The following EEF1AKMT1 variants were observed in gnomAD, a reference collection of about 807,000 sequenced individuals.
The protein encoded by EEF1AKMT1 is N-6 adenine-specific DNA methyltransferase 2 (putative).
A neutral mutation model predicts 21.0 loss-of-function variants in EEF1AKMT1; 18 were observed. The observed-to-expected ratio is 0.86, with a 90% confidence interval of 0.59 to 1.27. EEF1AKMT1 has a LOEUF of 1.27. Ranked by LOEUF, EEF1AKMT1 falls within the 50% of genes most tolerant of loss-of-function variation. The pLI is 0.00. For missense variants in EEF1AKMT1, 246 were observed against 258.6 expected, an observed-to-expected ratio of 0.95 and a Z score of 0.33; for synonymous variants, 109 against 94.8, an observed-to-expected ratio of 1.15 and a Z score of -0.87.
intron 1 of EEF1AKMT1, among the ~76,000 whole-genome samples, chr13:20,758,242 T>C (rs1177169319): frequency 1.3e-5 from 2 of 152,134 alleles, no homozygotes; most frequent in African/African-American, 4.8e-5. Context: ...AATAAGAACC[T>C]TGGTCTCCAG....
intron 4 of EEF1AKMT1, among the ~76,000 whole-genome samples, chr13:20,731,097 A>G (rs1251442947): frequency 6.6e-6 from 1 of 152,216 alleles, no homozygotes; most frequent in Admixed American, 6.5e-5. Flanking sequence ...GAGACCAAGA[A>G]CCGATCAGAA....
intron 2 of EEF1AKMT1, among the ~76,000 whole-genome samples, chr13:20,753,657 A>T (rs933474801): frequency 4.6e-5 from 7 of 152,152 alleles, no homozygotes; most frequent in Non-Finnish European, 1.0e-4. Flanking sequence ...TGATCCCTTT[A>T]TCATTATATG....
intron 3 of EEF1AKMT1, among the ~76,000 whole-genome samples, chr13:20,735,397 T>C (rs1254921541): frequency 1.6e-4 from 24 of 152,122 alleles, no homozygotes; most frequent in Admixed American, 1.6e-3. Flanking sequence ...GGAAGGAAGA[T>C]GCCAGGCACA....
rs1457089538 is a variant in EEF1AKMT1, at chr13:20,757,499, C to T, written c.100G>A (p.Gly34Ser). Residue 34 changes from glycine (G) to serine (S), a missense_variant, in exon 2 of 5, where the codon GGC (glycine) becomes AGC (serine). Transcript: ENST00000382758. Reference sequence around the variant, plus strand: ...CCAATGTTATATTTATCATCCTCGCCTGGCTCAATTTGTTGCTTTTGCTCA... The same window carrying T: ...CCAATGTTATATTTATCATCCTCGCTTGGCTCAATTTGTTGCTTTTGCTCA... ...YAEQKQQIEP[G>S]EDDKYNIGII... 2 of 1,614,032 alleles carry T rather than the reference C, an allele frequency of 1.2e-6. No individual in the cohort carries two copies. Among genetic ancestry groups the T allele is most frequent in the Non-Finnish European group, 1.7e-6 (2 of 1,180,042 alleles).
chr13:20,752,679 T>A lies in EEF1AKMT1; in HGVS notation c.144+4776A>T, dbSNP rs2058948900. 2.6e-5 allele frequency among the ~76,000 whole-genome samples: 4 copies of A among 152,146 alleles called. No individual in the cohort carries two copies. The South Asian group carries it at 8.3e-4, about 32-fold the overall frequency. ...CCTCATAGAATGAATTAGGGAGAAT[T>A]CTCTCCACTTCAAACTTCTGGAATA... On this transcript the variant is annotated intron_variant, in intron 2 of 4. Transcript: ENST00000382758.
rs1040842113 is a variant in EEF1AKMT1 at position 20,728,914 on chromosome 13, C to T, written c.*166G>A. The T allele has an allele frequency of 1.2e-6, 1 of 851,442 alleles. No individual in the cohort carries two copies. The highest frequency in any genetic ancestry group is 1.7e-5 in the African/African-American group (1 of 58,952). The allele number at this position is 851,442 out of a possible 1,614,324, so 52.7% of individuals were successfully genotyped here. ...GAAGACTGAGCTCTAGGGACGCCCT[C>T]CCTAAGGAAACAATAATGAAGATCG... is the stretch of plus-strand genomic sequence containing the variant. On this transcript the variant is annotated 3_prime_UTR_variant, in exon 5 of 5. Transcript: ENST00000382758.
At chr13:20,752,119 C>T (rs544579151) in intron 2 of EEF1AKMT1, among the ~76,000 whole-genome samples, 2 of 152,084 alleles carry the variant, frequency 1.3e-5, no homozygotes, top group South Asian at 4.2e-4. Flanking sequence ...TCCTCTTTTC[C>T]AATTTAGATG....
At chr13:20,729,297 T>G in intron 4 of EEF1AKMT1, 81 bp from the exon 5 acceptor site, 2 of 1,531,766 alleles carry the variant, frequency 1.3e-6, no homozygotes, top group Non-Finnish European at 1.8e-6. Context: ...AGAGGGGCTC[T>G]AGGCGGACCA....
intron 2 of EEF1AKMT1, among the ~76,000 whole-genome samples, chr13:20,739,256 G>C (rs558899819): frequency 1.3e-5 from 2 of 152,198 alleles, no homozygotes; most frequent in Non-Finnish European, 2.9e-5. Context: ...AGCTCATAAA[G>C]GCAACGCAGA....
chr13:20,753,646 T>C (rs2058955015), intron 2 of EEF1AKMT1, among the ~76,000 whole-genome samples: 1 of 152,230 alleles, frequency 6.6e-6, no homozygotes, highest in Non-Finnish European at 1.5e-5. Flanking sequence ...TCTAGCTGAA[T>C]TGATCCCTTT....
At chr13:20,754,741 C>CAAAAAAAA (rs56777421) in intron 2 of EEF1AKMT1, among the ~76,000 whole-genome samples, 497 of 116,368 alleles carry the variant, frequency 4.3e-3, no homozygotes, top group Middle Eastern at 0.011. Flanking sequence ...ACCAAAAATA[C>CAAAAAAAA]AAAAAAAAAA....
chr13:20,748,414 G>A (rs2058920116), intron 2 of EEF1AKMT1, among the ~76,000 whole-genome samples: 2 of 148,690 alleles, frequency 1.3e-5, no homozygotes, highest in African/African-American at 5.0e-5. Flanking sequence ...CAACCTGGGC[G>A]ACAGAGCTAG....
rs974816933 is a variant in EEF1AKMT1, at chr13:20,728,915, C to A, written c.*165G>T. Reference sequence around the variant, plus strand: ...AAGACTGAGCTCTAGGGACGCCCTCCCTAAGGAAACAATAATGAAGATCGC... The same window carrying A: ...AAGACTGAGCTCTAGGGACGCCCTCACTAAGGAAACAATAATGAAGATCGC... On this transcript the variant is annotated 3_prime_UTR_variant, in exon 5 of 5. Coordinates refer to ENST00000382758, the MANE Select transcript of EEF1AKMT1 (RefSeq NM_001318939.2). 4 of 866,936 alleles carry A rather than the reference C, an allele frequency of 4.6e-6. No individual in the cohort carries two copies. The highest frequency in any genetic ancestry group is 5.3e-6 in the Non-Finnish European group (3 of 565,312). The allele number at this position is 866,936 out of a possible 1,614,324, so 53.7% of individuals were successfully genotyped here.
intron 3 of EEF1AKMT1, among the ~76,000 whole-genome samples, chr13:20,733,873 A>C (rs1358960862): frequency 6.6e-6 from 1 of 152,230 alleles, no homozygotes; most frequent in Non-Finnish European, 1.5e-5. Context: ...TGTGTGACGC[A>C]TTTCCAACAG....
At chr13:20,768,596 C>G (rs966028031) in intron 1 of EEF1AKMT1, among the ~76,000 whole-genome samples, 11 of 152,176 alleles carry the variant, frequency 7.2e-5, no homozygotes, top group African/African-American at 2.7e-4. Flanking sequence ...TCTTGGCCTA[C>G]CCAGATTCTC....
At chr13:20,749,834 T>C (rs563446775) in intron 2 of EEF1AKMT1, among the ~76,000 whole-genome samples, 5 of 152,340 alleles carry the variant, frequency 3.3e-5, no homozygotes, top group African/African-American at 9.6e-5. Flanking sequence ...ATGTAACTCA[T>C]AGTCCGAAGA....
intron 1 of EEF1AKMT1, among the ~76,000 whole-genome samples, chr13:20,759,865 G>A (rs2058991102): frequency 6.6e-6 from 1 of 152,070 alleles, no homozygotes; most frequent in Non-Finnish European, 1.5e-5. Context: ...AGCACTTTGG[G>A]AGGCCAAGGC....
chr13:20,748,423 A>G (rs2058920231), intron 2 of EEF1AKMT1, among the ~76,000 whole-genome samples: 1 of 150,302 alleles, frequency 6.7e-6, no homozygotes, highest in African/African-American at 2.4e-5. Context: ...CGACAGAGCT[A>G]GACTCCGTCC....
intron 1 of EEF1AKMT1, among the ~76,000 whole-genome samples, chr13:20,760,183 G>A (rs545674825): frequency 2.6e-5 from 4 of 151,306 alleles, no homozygotes; most frequent in Admixed American, 2.6e-4. Context: ...TATACACTGC[G>A]GGTATGAATG....
Sources: gnomAD v4.1 joint callset for allele counts (sites outside exome capture counted in the v4.1 genomes callset) on GRCh38, gnomAD v4.1.1 for gene constraint, MANE v1.5 for transcripts, NCBI Gene and HGNC (gene_info 2026-07-23, HGNC 2026-07-21) for gene names.